Variants in NTRK3 observed in about 807,000 individuals in gnomAD.
The protein encoded by NTRK3 is neurotrophic receptor tyrosine kinase 3, also known as NT-3 growth factor receptor.
In NTRK3, 24 loss-of-function variants were observed where a neutral mutation model predicts 91.7. That is an observed-to-expected ratio of 0.26 (90% CI 0.19 to 0.37). The LOEUF is 0.37. NTRK3 is among the 10% of genes least tolerant of loss of function. NTRK3 has a pLI of 1.00. For synonymous variants in NTRK3, 483 were observed against 404.0 expected (o/e 1.20, Z -2.34); for missense variants, 880 against 1,068.9 (o/e 0.82, Z 2.46).
chr15:88,177,847 C>A (rs1403279397), intron 5 of NTRK3, among the ~76,000 whole-genome samples: 4 of 152,184 alleles, frequency 2.6e-5, no homozygotes, highest in African/African-American at 9.7e-5. Flanking sequence ...TATATTGAGT[C>A]TTTCATAGTA....
intron 17 of NTRK3, among the ~76,000 whole-genome samples, chr15:87,919,404 A>G (rs578212748): frequency 2.0e-5 from 3 of 152,116 alleles, no homozygotes; most frequent in South Asian, 2.1e-4. Context: ...TTGCACCTCA[A>G]CCTCCTGGTC....
At chr15:88,246,261 G>C (rs1050724007) in intron 3 of NTRK3, among the ~76,000 whole-genome samples, 1 of 152,228 alleles carries the variant, frequency 6.6e-6, no homozygotes, top group African/African-American at 2.4e-5. Flanking sequence ...GTCCAGGCAG[G>C]GCCCATGGCC....
intron 13 of NTRK3, among the ~76,000 whole-genome samples, chr15:88,047,431 G>GAA (rs199972150): frequency 6.7e-6 from 1 of 150,152 alleles, no homozygotes; most frequent in African/African-American, 2.4e-5. Context: ...GGTACCAAGG[G>GAA]AAAAAAAAAG....
intron 17 of NTRK3, among the ~76,000 whole-genome samples, 187 bp from the exon 19 acceptor site, chr15:87,880,615 C>A (rs937270614): frequency 2.0e-5 from 3 of 152,184 alleles, no homozygotes; most frequent in Admixed American, 6.5e-5. Context: ...AAGGAGACAG[C>A]TAGACTAGCA....
At chr15:87,873,948 G>T in exon 19 of NTRK3, 1 of 230,216 alleles carries the variant, frequency 4.3e-6, no homozygotes, top group East Asian at 6.2e-5. Context: ...TGCCATTCCA[G>T]AATGGTATTG....
At chr15:88,225,669 G>A (rs1052144764) in intron 3 of NTRK3, among the ~76,000 whole-genome samples, 1 of 152,144 alleles carries the variant, frequency 6.6e-6, no homozygotes, top group South Asian at 2.1e-4. Context: ...ATCAGTACAA[G>A]CCAGGCACAG....
chr15:87,988,143 T>C (rs2074992899), intron 14 of NTRK3, among the ~76,000 whole-genome samples: 4 of 152,158 alleles, frequency 2.6e-5, no homozygotes, highest in African/African-American at 7.2e-5. Context: ...TGTTAAGTCA[T>C]GTGATAAGCA....
At chr15:88,149,807 T>A (rs191449344) in intron 5 of NTRK3, among the ~76,000 whole-genome samples, 2 of 152,376 alleles carry the variant, frequency 1.3e-5, no homozygotes, top group Non-Finnish European at 2.9e-5. Flanking sequence ...GATTTGGTAC[T>A]GCTCTGAGTC....
intron 14 of NTRK3, among the ~76,000 whole-genome samples, chr15:87,992,772 G>T (rs1310594489): frequency 6.6e-6 from 1 of 152,210 alleles, no homozygotes; most frequent in Non-Finnish European, 1.5e-5. Context: ...GCAGAGCCAG[G>T]ACTTGAATCC....
At chr15:88,220,969 A>G (rs1006978913) in intron 3 of NTRK3, among the ~76,000 whole-genome samples, 6 of 152,258 alleles carry the variant, frequency 3.9e-5, no homozygotes, top group African/African-American at 1.4e-4. Context: ...GTACAGGCTC[A>G]GAATTCCTGG....
intron 13 of NTRK3, among the ~76,000 whole-genome samples, chr15:88,077,905 G>C (rs2047691931): frequency 1.3e-5 from 2 of 152,230 alleles, no homozygotes; most frequent in South Asian, 2.1e-4. Flanking sequence ...ACTGAGGACA[G>C]AGCAGTGTGG....
intron 15 of NTRK3, among the ~76,000 whole-genome samples, chr15:87,938,353 T>C (rs2069495892): frequency 6.6e-6 from 1 of 152,148 alleles, no homozygotes; most frequent in African/African-American, 2.4e-5. Flanking sequence ...TGCATCAACA[T>C]GAGAACTAAC....
Position 88,137,650 on chromosome 15 carries a change from C to A in NTRK3, c.465-89G>T, listed in dbSNP as rs888387979. 7 of 1,359,486 alleles carry A rather than the reference C, an allele frequency of 5.1e-6. No homozygotes were observed. In the South Asian group the frequency reaches 8.6e-5, roughly 17 times the overall value. The allele number at this position is 1,359,486 out of a possible 1,614,324, so 84.2% of individuals were successfully genotyped here. On this transcript the variant is annotated intron_variant, in intron 6 of 18. Coordinates refer to ENST00000394480, the Ensembl canonical transcript of NTRK3. ...GCTATGAGGACAAGGGGGACCCGACCTGTTCAGGGATTAAGGGGAGAAGGG... is the reference window on the plus strand; with the variant it reads ...GCTATGAGGACAAGGGGGACCCGACATGTTCAGGGATTAAGGGGAGAAGGG...
chr15:88,212,167 G>C (rs2081557), intron 3 of NTRK3, among the ~76,000 whole-genome samples: 117,818 of 151,898 alleles, frequency 0.78, 47,742 homozygotes, highest in East Asian at 0.96. Flanking sequence ...AGGAGATCGA[G>C]ACCATCCTGG....
chr15:88,254,328 G>C (rs780727941), intron 3 of NTRK3, among the ~76,000 whole-genome samples: 2 of 152,108 alleles, frequency 1.3e-5, no homozygotes, highest in Admixed American at 6.5e-5. Context: ...GGCCTGCAGT[G>C]GGGGAGAGGC....
intron 15 of NTRK3, among the ~76,000 whole-genome samples, chr15:87,934,703 GA>G (rs1208249707): frequency 2.6e-5 from 4 of 152,112 alleles, no homozygotes; most frequent in Non-Finnish European, 5.9e-5. Context: ...TGGAGTTGGA[GA>G]AACTGAGGCT....
At chr15:88,008,222 G>A (rs879480555) in intron 14 of NTRK3, among the ~76,000 whole-genome samples, 2 of 152,158 alleles carry the variant, frequency 1.3e-5, no homozygotes, top group Non-Finnish European at 2.9e-5. Context: ...TCTTGGAGAA[G>A]TTCCATGTGT....
At chr15:88,003,857 C>T (rs1334510938) in intron 14 of NTRK3, among the ~76,000 whole-genome samples, 6 of 148,492 alleles carry the variant, frequency 4.0e-5, no homozygotes, top group Admixed American at 4.0e-4. Context: ...ACTAAGATTC[C>T]ACTCAATGGC....
intron 13 of NTRK3, among the ~76,000 whole-genome samples, chr15:88,071,062 T>C (rs2047052904): frequency 6.6e-6 from 1 of 152,254 alleles, no homozygotes; most frequent in African/African-American, 2.4e-5. Flanking sequence ...GGTTCAATCC[T>C]ACTGCATTCT....
Sources: gnomAD v4.1 joint callset for allele counts (sites outside exome capture counted in the v4.1 genomes callset) on GRCh38, gnomAD v4.1.1 for gene constraint, MANE v1.5 for transcripts, NCBI Gene and HGNC (gene_info 2026-07-23, HGNC 2026-07-21) for gene names.